GRIP1: variants seen among roughly 807,000 people sequenced by gnomAD.
GRIP1 encodes the protein glutamate receptor interacting protein 1, also known as glutamate receptor-interacting protein 1.
A neutral mutation model predicts 129.9 loss-of-function variants in GRIP1; 45 were observed. The ratio of observed to expected loss-of-function variants is 0.35; its 90% CI spans 0.27 to 0.44. The LOEUF (loss-of-function observed/expected upper bound fraction) is 0.44. Ranked by LOEUF, GRIP1 falls within the 20% of genes least tolerant of loss-of-function variation. The pLI is 1.00. For synonymous variants in GRIP1, 530 were observed against 520.8 expected (o/e 1.02, Z -0.24); for missense variants, 1,196 against 1,396.8 (o/e 0.86, Z 2.29).
chr12:66,766,097 C>T (rs1450703200), intron 1 of GRIP1, among the ~76,000 whole-genome samples: 1 of 152,142 alleles, frequency 6.6e-6, no homozygotes, highest in Admixed American at 6.5e-5. Context: ...TCAGAGGAAA[C>T]ACATAAAGCT....
intron 2 of GRIP1, among the ~76,000 whole-genome samples, chr12:66,575,716 A>AAG (rs1254837803): frequency 6.6e-6 from 1 of 152,164 alleles, no homozygotes; most frequent in East Asian, 1.9e-4. Flanking sequence ...AGTCCCAAAT[A>AAG]AGAAGAACAT....
rs187431190 is a variant in GRIP1, at chr12:66,361,632, C to T, written c.3013-8069G>A. On this transcript the variant is annotated intron_variant, in intron 23 of 24. Coordinates refer to ENST00000359742, the MANE Select transcript of GRIP1 (RefSeq NM_001366722.1). ...CCAGCTCCATTGCTGGTCTTTTGCACTTGCCCCAGCCACCACCAAGCTGGC... is the reference window on the plus strand; with the variant it reads ...CCAGCTCCATTGCTGGTCTTTTGCATTTGCCCCAGCCACCACCAAGCTGGC... 9.2e-4 allele frequency among the ~76,000 whole-genome samples: 140 copies of T among 152,322 alleles called. 4 individuals carry two copies. Among genetic ancestry groups the T allele is most frequent in the Admixed American group, 7.7e-3 (118 of 15,300 alleles).
chr12:66,636,715 C>CTGTG (rs113361426), intron 1 of GRIP1, among the ~76,000 whole-genome samples: 13,313 of 145,054 alleles, frequency 0.092, 650 homozygotes, highest in South Asian at 0.13. Context: ...CATTAGATCT[C>CTGTG]TGTGTGTGTG....
At chr12:67,033,552 A>C (rs1038594412) in intron 1 of GRIP1, among the ~76,000 whole-genome samples, 1 of 152,116 alleles carries the variant, frequency 6.6e-6, no homozygotes, top group Non-Finnish European at 1.5e-5. Context: ...ATGTATTCCA[A>C]TCTTCTCATT....
At position 66,596,938 on chromosome 12, in the gene GRIP1, A is replaced by G; in HGVS notation, c.56-11T>C. On this transcript the variant is annotated splice_polypyrimidine_tract_variant and intron_variant, in intron 1 of 24. Coordinates refer to ENST00000359742, the MANE Select transcript of GRIP1 (RefSeq NM_001366722.1). ...TGTAGGGACTCTCATCTGCAAAGGTACAATGAAGCGTTTGGTTAATTTCCA... is the reference window on the plus strand; with the variant it reads ...TGTAGGGACTCTCATCTGCAAAGGTGCAATGAAGCGTTTGGTTAATTTCCA... 1 of 1,584,704 alleles carries G rather than the reference A, an allele frequency of 6.3e-7. No homozygotes were observed. The highest frequency in any genetic ancestry group is 8.7e-7 in the Non-Finnish European group (1 of 1,153,134).
chr12:66,972,919 G>T lies in GRIP1; in HGVS notation c.58+96131C>A, dbSNP rs115014609. Among the ~76,000 whole-genome samples the T allele has an allele frequency of 2.9e-3, 434 of 152,228 alleles. 3 individuals are homozygous for T. The highest frequency in any genetic ancestry group is 0.01 in the African/African-American group (425 of 41,540). On this transcript the variant is annotated intron_variant, in intron 1 of 1. Coordinates refer to the GRIP1 transcript ENST00000643019. The stretch of plus-strand genomic sequence containing the variant: ...CTTCACATTCTCAAAGGAACTCCTG[G>T]CCCCCAAACAGGGTCCGGGGTGAAA...
At chr12:67,062,120 T>C (rs1419148642) in intron 1 of GRIP1, among the ~76,000 whole-genome samples, 1 of 152,188 alleles carries the variant, frequency 6.6e-6, no homozygotes, top group African/African-American at 2.4e-5. Context: ...GCTGCCAAGA[T>C]GAGCTTTCTA....
intron 19 of GRIP1, among the ~76,000 whole-genome samples, chr12:66,383,163 G>A (rs1183970709): frequency 6.6e-6 from 1 of 152,064 alleles, no homozygotes; most frequent in Non-Finnish European, 1.5e-5. Flanking sequence ...TGGGTATTGT[G>A]ATGCATGCCT....
rs570506886 is a variant in GRIP1, at chr12:66,427,414, T to C, written c.1768+5134A>G. ...CCTGCTGAGCACCACCCCCCAAACATAGAAGTATAAAAAAAATAGTATTTT... is the reference window on the plus strand; with the variant it reads ...CCTGCTGAGCACCACCCCCCAAACACAGAAGTATAAAAAAAATAGTATTTT... On this transcript the variant is annotated intron_variant, in intron 14 of 24. Coordinates refer to ENST00000359742, the MANE Select transcript of GRIP1 (RefSeq NM_001366722.1). Among the ~76,000 whole-genome samples, 9 of 151,926 alleles carry C rather than the reference T, an allele frequency of 5.9e-5. No homozygotes were observed. In the South Asian group the frequency reaches 1.5e-3, roughly 25 times the overall value.
At chr12:66,969,295 A>G (rs2137566173) in intron 1 of GRIP1, among the ~76,000 whole-genome samples, 1 of 152,240 alleles carries the variant, frequency 6.6e-6, no homozygotes, top group Admixed American at 6.5e-5. Context: ...TATTACTTCA[A>G]ATATTTCTCT....
chr12:66,512,106 G>A (rs2060716864), intron 7 of GRIP1, among the ~76,000 whole-genome samples: 1 of 152,050 alleles, frequency 6.6e-6, no homozygotes, highest in Non-Finnish European at 1.5e-5. Flanking sequence ...GTTTCCTGAG[G>A]CCTCCCCAGC....
intron 1 of GRIP1, among the ~76,000 whole-genome samples, chr12:66,834,177 CAAAAAAA>C (rs60054128): frequency 1.1e-5 from 1 of 95,218 alleles, no homozygotes; most frequent in Non-Finnish European, 1.9e-5. Context: ...GACTTCATCT[CAAAAAAA>C]AAAAAAAAAA....
chr12:66,528,152 T>TTTTTTTTTTTTA (rs2061326070), intron 5 of GRIP1, among the ~76,000 whole-genome samples: 3 of 150,340 alleles, frequency 2.0e-5, no homozygotes, highest in African/African-American at 2.4e-5. Context: ...TTTTTTTTTT[T>TTTTTTTTTTTTA]GAGATGGAGT....
intron 1 of GRIP1, among the ~76,000 whole-genome samples, chr12:66,884,944 A>G (rs1481695445): frequency 2.0e-5 from 3 of 152,236 alleles, no homozygotes; most frequent in Non-Finnish European, 4.4e-5. Flanking sequence ...CTTGGACTTC[A>G]AATTAGAACT....
intron 2 of GRIP1, among the ~76,000 whole-genome samples, chr12:66,572,038 C>A (rs1055993510): frequency 2.6e-5 from 4 of 152,160 alleles, no homozygotes; most frequent in South Asian, 4.1e-4. Flanking sequence ...CCTAAAAAAA[C>A]CCCACACTTC....
intron 1 of GRIP1, among the ~76,000 whole-genome samples, chr12:66,769,078 C>A (rs2037734949): frequency 6.6e-6 from 1 of 152,186 alleles, no homozygotes; most frequent in Admixed American, 6.5e-5. Flanking sequence ...GCTGGTTGGG[C>A]CCCACCCCCA....
intron 1 of GRIP1, among the ~76,000 whole-genome samples, chr12:66,657,754 T>C (rs1207842161): frequency 6.6e-6 from 1 of 152,100 alleles, no homozygotes; most frequent in African/African-American, 2.4e-5. Context: ...TTCCCGCATA[T>C]CTAGCATGAA....
intron 1 of GRIP1, among the ~76,000 whole-genome samples, chr12:66,667,340 G>C (rs2033850538): frequency 6.6e-6 from 1 of 152,046 alleles, no homozygotes; most frequent in African/African-American, 2.4e-5. Flanking sequence ...ATGCTTTGTG[G>C]ATGTGATACC....
chr12:66,539,009 G>A, intron 4 of GRIP1, 69 bp downstream of exon 4: 1 of 1,275,170 alleles, frequency 7.8e-7, no homozygotes, highest in South Asian at 1.2e-5. Flanking sequence ...GGTATTATGA[G>A]CAGTTTTAGG....
Sources: allele counts gnomAD v4.1 joint callset (sites outside exome capture counted in the v4.1 genomes callset), GRCh38; gene constraint gnomAD v4.1.1; transcripts MANE v1.5; gene names NCBI Gene and HGNC (gene_info 2026-07-23, HGNC 2026-07-21).